Variants in PTPRD observed in about 807,000 individuals in gnomAD.
PTPRD encodes protein tyrosine phosphatase receptor type D.
In PTPRD, 34 loss-of-function variants were observed where a neutral mutation model predicts 214.5. That is an observed-to-expected ratio of 0.16 (90% confidence interval 0.12 to 0.21). PTPRD has a LOEUF of 0.21. Among genes scored for constraint, PTPRD ranks in the 10% least tolerant of loss-of-function variants. PTPRD has a pLI of 1.00. For missense variants in PTPRD, 2,545 were observed against 2,398.7 expected (o/e 1.06, Z -1.27); for synonymous variants, 1,128 against 845.7 (o/e 1.33, Z -5.79).
In PTPRD at chr9:9,781,982, T is replaced by C. The variant is rs2098847753; in HGVS notation, c.-367-15131A>G. On this transcript the variant is annotated intron_variant, in intron 5 of 45. Coordinates refer to ENST00000381196, the MANE Select transcript of PTPRD (RefSeq NM_002839.4). The stretch of plus-strand genomic sequence containing the variant: ...TAATTTTATGTATTTTTAGTAGAGG[T>C]GGGGTTTCACCGTGTTAACCAGGAT... Among the ~76,000 whole-genome samples, 3 of 152,074 alleles carry C rather than the reference T, an allele frequency of 2.0e-5. No homozygotes were observed. The South Asian group carries it at 6.2e-4, about 32-fold the overall frequency.
chr9:9,555,517 C>T (rs2081306640), intron 8 of PTPRD, among the ~76,000 whole-genome samples: 2 of 152,088 alleles, frequency 1.3e-5, no homozygotes, highest in African/African-American at 4.8e-5. Flanking sequence ...TACACATGCA[C>T]ATAATTACAT....
At chr9:10,102,198 T>C (rs946023686) in intron 3 of PTPRD, among the ~76,000 whole-genome samples, 12 of 151,836 alleles carry the variant, frequency 7.9e-5, no homozygotes, top group Middle Eastern at 6.8e-3. Flanking sequence ...TCACTACTCA[T>C]TCTCTCTCAT....
At chr9:9,767,829 A>G (rs948912464) in intron 5 of PTPRD, among the ~76,000 whole-genome samples, 6 of 152,160 alleles carry the variant, frequency 3.9e-5, no homozygotes, top group Non-Finnish European at 7.4e-5. Context: ...TTTCAGTTCT[A>G]GAAGAAACCT....
chr9:9,044,622 T>C (rs2099665910), intron 10 of PTPRD, among the ~76,000 whole-genome samples: 1 of 152,188 alleles, frequency 6.6e-6, no homozygotes, highest in Admixed American at 6.5e-5. Flanking sequence ...AGCTGCACTT[T>C]AGAGAAAGCA....
intron 3 of PTPRD, among the ~76,000 whole-genome samples, chr9:10,056,049 G>T (rs533657225): frequency 4.1e-5 from 6 of 147,924 alleles, no homozygotes; most frequent in Non-Finnish European, 5.9e-5. Flanking sequence ...AGAGCCGGGC[G>T]CAGTGGCTCA....
chr9:9,978,952 G>C (rs554272430), intron 4 of PTPRD, among the ~76,000 whole-genome samples: 9 of 152,110 alleles, frequency 5.9e-5, no homozygotes, highest in Middle Eastern at 3.4e-3. Context: ...ATTCTTATCA[G>C]AAATCATACA....
intron 7 of PTPRD, among the ~76,000 whole-genome samples, chr9:9,655,936 C>T (rs1399209209): frequency 6.6e-6 from 1 of 151,970 alleles, no homozygotes; most frequent in Non-Finnish European, 1.5e-5. Flanking sequence ...CGAGATTGCA[C>T]CATCGCTCTC....
At chr9:10,592,729 A>G (rs191272728) in intron 2 of PTPRD, among the ~76,000 whole-genome samples, 2 of 152,144 alleles carry the variant, frequency 1.3e-5, no homozygotes, top group African/African-American at 2.4e-5. Flanking sequence ...CTTTGTAGCT[A>G]GCAAGAAGAT....
intron 12 of PTPRD, among the ~76,000 whole-genome samples, chr9:8,656,463 T>C (rs1274240226): frequency 6.6e-6 from 1 of 152,176 alleles, no homozygotes; most frequent in Non-Finnish European, 1.5e-5. Context: ...GCCTCTCTCA[T>C]GGCCAGAAGT....
intron 21 of PTPRD, among the ~76,000 whole-genome samples, chr9:8,513,574 T>C (rs1394275260): frequency 6.6e-6 from 1 of 152,126 alleles, no homozygotes; most frequent in African/African-American, 2.4e-5. Flanking sequence ...AATTCCTACA[T>C]ATTATTGATC....
chr9:9,921,648 T>A (rs1030819460), intron 5 of PTPRD, among the ~76,000 whole-genome samples: 4 of 149,244 alleles, frequency 2.7e-5, no homozygotes, highest in East Asian at 1.9e-4. Context: ...TTTTTTTTTT[T>A]AAACAAAGAC....
chr9:9,842,238 A>G (rs1165082440), intron 5 of PTPRD, among the ~76,000 whole-genome samples: 1 of 150,796 alleles, frequency 6.6e-6, no homozygotes, highest in Admixed American at 6.6e-5. Flanking sequence ...GTCTTTTTAG[A>G]TTAATTATGA....
At chr9:9,022,816 A>T (rs1038219696) in intron 10 of PTPRD, among the ~76,000 whole-genome samples, 1 of 152,194 alleles carries the variant, frequency 6.6e-6, no homozygotes, top group South Asian at 2.1e-4. Flanking sequence ...ATATTGGAAT[A>T]TTCAAAAATG....
intron 10 of PTPRD, among the ~76,000 whole-genome samples, chr9:9,131,238 A>C (rs1397283441): frequency 2.0e-5 from 3 of 152,186 alleles, no homozygotes; most frequent in Non-Finnish European, 4.4e-5. Flanking sequence ...ATTAAGTCTG[A>C]TTTCAATTTA....
At chr9:9,061,102 G>A (rs2099706407) in intron 10 of PTPRD, among the ~76,000 whole-genome samples, 1 of 152,148 alleles carries the variant, frequency 6.6e-6, no homozygotes, top group South Asian at 2.1e-4. Flanking sequence ...GGGAGTAAGG[G>A]CAGGGTTACT....
intron 8 of PTPRD, among the ~76,000 whole-genome samples, chr9:9,541,359 C>T (rs1480317902): frequency 6.6e-6 from 1 of 151,694 alleles, no homozygotes; most frequent in Non-Finnish European, 1.5e-5. Flanking sequence ...GATGAAACAC[C>T]ATGTGAATAT....
chr9:10,529,670 A>G (rs186609813), intron 2 of PTPRD, among the ~76,000 whole-genome samples: 1 of 151,862 alleles, frequency 6.6e-6, no homozygotes, highest in African/African-American at 2.4e-5. Flanking sequence ...ATACGTATGT[A>G]ACAAAACTGC....
At chr9:10,072,783 T>C (rs1219746679) in intron 3 of PTPRD, among the ~76,000 whole-genome samples, 1 of 152,134 alleles carries the variant, frequency 6.6e-6, no homozygotes, top group Non-Finnish European at 1.5e-5. Context: ...GATAGTTGTG[T>C]AGTTTTCTGC....
intron 3 of PTPRD, among the ~76,000 whole-genome samples, chr9:10,215,070 C>G (rs1488563973): frequency 2.0e-5 from 3 of 152,018 alleles, no homozygotes; most frequent in Admixed American, 1.3e-4. Context: ...ATCCTGTGCT[C>G]TTCCCAAAAT....
Sources: allele counts gnomAD v4.1 joint callset (sites outside exome capture counted in the v4.1 genomes callset), GRCh38; gene constraint gnomAD v4.1.1; transcripts MANE v1.5; gene names NCBI Gene and HGNC (gene_info 2026-07-23, HGNC 2026-07-21).